GRIA1: variants seen among roughly 807,000 people sequenced by gnomAD.
The protein encoded by GRIA1 is glutamate receptor 1.
A neutral mutation model predicts 99.2 loss-of-function variants in GRIA1; 31 were observed. The ratio of observed to expected loss-of-function variants is 0.31; its 90% CI spans 0.23 to 0.42. The LOEUF (loss-of-function observed/expected upper bound fraction) is 0.42, where lower values mean the gene tolerates loss of function less well. Ranked by LOEUF, GRIA1 falls within the 10% of genes least tolerant of loss-of-function variation. The pLI is 1.00. For missense variants in GRIA1, 782 were observed against 1,157.5 expected (o/e 0.68, Z 4.71); for synonymous variants, 438 against 432.4 (o/e 1.01, Z -0.16).
rs1177498734 is a variant in GRIA1 at position 153,650,376 on chromosome 5, C to G, written c.507C>G (p.Asn169Lys). 1 of 1,613,874 alleles carries G rather than the reference C, an allele frequency of 6.2e-7. No individual in the cohort carries two copies. The highest frequency in any genetic ancestry group is 8.5e-7 in the Non-Finnish European group (1 of 1,179,918). ...QKVLDTAAEK[N>K]WQVTAVNILT... ...TCCTGGATACAGCTGCTGAGAAGAA[C>G]TGGCAGGTGACAGCAGTCAACATTT... Residue 169 changes from asparagine to lysine, a missense_variant, in exon 4 of 16, where the codon AAC becomes AAG. Around this residue, in one of 5 missense-constraint regions of GRIA1, gnomAD observed 461 missense variants for 521.7 expected, o/e 0.88. Coordinates refer to ENST00000285900, the MANE Select transcript of GRIA1 (RefSeq NM_000827.4).
chr5:153,579,901 A>G (rs1444569378), intron 2 of GRIA1, among the ~76,000 whole-genome samples: 1 of 151,780 alleles, frequency 6.6e-6, no homozygotes, highest in South Asian at 2.1e-4. Context: ...ACAAACAAAA[A>G]AAAAAAAACA....
At chr5:153,568,770 A>G (rs1761872358) in intron 2 of GRIA1, among the ~76,000 whole-genome samples, 1 of 152,092 alleles carries the variant, frequency 6.6e-6, no homozygotes, top group Non-Finnish European at 1.5e-5. Context: ...CATTGCCTAG[A>G]GCTCTCCGAA....
intron 13 of GRIA1, among the ~76,000 whole-genome samples, chr5:153,794,309 A>G (rs1314360918): frequency 6.6e-6 from 1 of 152,220 alleles, no homozygotes; most frequent in Non-Finnish European, 1.5e-5. Context: ...AAGAAAAGAA[A>G]AAAAGAAAGA....
chr5:153,653,869 T>C (rs1754750367), intron 4 of GRIA1, among the ~76,000 whole-genome samples: 1 of 152,156 alleles, frequency 6.6e-6, no homozygotes, highest in Non-Finnish European at 1.5e-5. Flanking sequence ...GGAGTTGAGA[T>C]TGGAGCTCAG....
At chr5:153,773,268 C>A (rs1220583059) in intron 13 of GRIA1, among the ~76,000 whole-genome samples, 1 of 152,166 alleles carries the variant, frequency 6.6e-6, no homozygotes, top group Admixed American at 6.5e-5. Context: ...AAGGTAGAAG[C>A]CAGATTTCAA....
At chr5:153,773,829 T>G (rs1255524853) in intron 13 of GRIA1, among the ~76,000 whole-genome samples, 3 of 152,146 alleles carry the variant, frequency 2.0e-5, no homozygotes, top group Admixed American at 6.6e-5. Flanking sequence ...GCAAACCTGA[T>G]GGTAGTCATG....
At chr5:153,499,525 G>A (rs1364987581) in intron 2 of GRIA1, among the ~76,000 whole-genome samples, 1 of 136,678 alleles carries the variant, frequency 7.3e-6, no homozygotes, top group East Asian at 2.3e-4. Context: ...TGAGGCAGGA[G>A]AATTGCTTGA....
At chr5:153,655,777 T>A (rs1051938680) in intron 4 of GRIA1, 42 bp from the exon 5 acceptor site, 1 of 1,563,888 alleles carries the variant, frequency 6.4e-7, no homozygotes. Context: ...TGGCTTTAAC[T>A]GTTAGTATGA....
At chr5:153,719,413 C>T (rs752671405) in intron 11 of GRIA1, among the ~76,000 whole-genome samples, 21 of 151,770 alleles carry the variant, frequency 1.4e-4, no homozygotes, top group East Asian at 1.9e-4. Context: ...CTGGAGCCTT[C>T]GATGGAAAAT....
chr5:153,799,882 C>T (rs1309307135), intron 14 of GRIA1, among the ~76,000 whole-genome samples: 3 of 152,134 alleles, frequency 2.0e-5, no homozygotes, highest in Admixed American at 6.5e-5. Flanking sequence ...TGCCTTTCCA[C>T]CCCCCGTCCA....
intron 2 of GRIA1, among the ~76,000 whole-genome samples, chr5:153,628,329 A>C (rs559033005): frequency 6.6e-6 from 1 of 152,232 alleles, no homozygotes; most frequent in East Asian, 1.9e-4. Flanking sequence ...CAGGACGGCT[A>C]CAAGCATGGA....
chr5:153,710,369 C>T (rs1293635970), intron 11 of GRIA1, among the ~76,000 whole-genome samples: 1 of 151,950 alleles, frequency 6.6e-6, no homozygotes, highest in Non-Finnish European at 1.5e-5. Context: ...ACTACAGGCA[C>T]AAGCCTCCAC....
intron 5 of GRIA1, among the ~76,000 whole-genome samples, chr5:153,670,490 C>A (rs1756081633): frequency 6.6e-6 from 1 of 151,918 alleles, no homozygotes. Flanking sequence ...ATGGTCCCAG[C>A]ATTTGGGAAC....
intron 2 of GRIA1, among the ~76,000 whole-genome samples, chr5:153,547,085 C>T (rs907375398): frequency 6.6e-6 from 1 of 152,200 alleles, no homozygotes; most frequent in African/African-American, 2.4e-5. Flanking sequence ...AACCCGTGGG[C>T]CTCAGGCCGC....
intron 2 of GRIA1, among the ~76,000 whole-genome samples, chr5:153,499,640 A>C (rs983838824): frequency 8.8e-5 from 13 of 147,262 alleles, no homozygotes; most frequent in Non-Finnish European, 1.3e-4. Context: ...AAAAAAAAAA[A>C]CTATGAATAT....
chr5:153,548,811 G>GT (rs1313902115), intron 2 of GRIA1, among the ~76,000 whole-genome samples: 10 of 152,166 alleles, frequency 6.6e-5, no homozygotes, highest in African/African-American at 2.4e-4. Context: ...CATATGTTGG[G>GT]TTTTTTATTA....
chr5:153,802,053 C>T (rs1029149858), intron 14 of GRIA1, among the ~76,000 whole-genome samples: 5 of 151,928 alleles, frequency 3.3e-5, no homozygotes, highest in African/African-American at 1.2e-4. Context: ...AGAAGCTGCC[C>T]TAAATTTCTT....
chr5:153,738,426 C>T (rs1761542111), intron 11 of GRIA1, among the ~76,000 whole-genome samples: 1 of 152,002 alleles, frequency 6.6e-6, no homozygotes, highest in African/African-American at 2.4e-5. Flanking sequence ...CTTCAGTTTC[C>T]CCATTCATAA....
chr5:153,695,849 C>T (rs768140871), intron 8 of GRIA1, among the ~76,000 whole-genome samples: 2 of 152,324 alleles, frequency 1.3e-5, no homozygotes, highest in Admixed American at 6.5e-5. Context: ...ATAGGGTGCA[C>T]CATGTCCATG....
Sources: gnomAD v4.1 joint callset for allele counts (sites outside exome capture counted in the v4.1 genomes callset) on GRCh38, gnomAD v4.1.1 for gene constraint, gnomAD v4.1.1 regional missense constraint, MANE v1.5 for transcripts, NCBI Gene and HGNC (gene_info 2026-07-23, HGNC 2026-07-21) for gene names.